Variants in SHLD1 observed in about 807,000 individuals in gnomAD.
SHLD1 encodes the protein RINN1-REV7-interacting novel NHEJ regulator 3.
A neutral mutation model predicts 5.5 loss-of-function variants in SHLD1; 3 were observed. The ratio of observed to expected loss-of-function variants is 0.54; its 90% CI spans 0.25 to 1.40. The LOEUF is 1.40. SHLD1 is among the 40% of genes most tolerant of loss of function. The probability of loss-of-function intolerance (pLI) is 0.15; values close to 1 mark genes in which losing one functional copy is unlikely to be tolerated. For missense variants in SHLD1, 210 were observed against 244.4 expected, an observed-to-expected ratio of 0.86 and a Z score of 0.94; for synonymous variants, 92 against 94.3, an observed-to-expected ratio of 0.98 and a Z score of 0.14.
At chr20:5,828,101 G>A (rs1056023079) in intron 2 of SHLD1, among the ~76,000 whole-genome samples, 3 of 152,208 alleles carry the variant, frequency 2.0e-5, no homozygotes, top group Non-Finnish European at 2.9e-5. Flanking sequence ...TATATTGCAT[G>A]TTGTATGTAA....
At chr20:5,838,541 A>T (rs1040397337) in intron 2 of SHLD1, among the ~76,000 whole-genome samples, 1 of 152,218 alleles carries the variant, frequency 6.6e-6, no homozygotes, top group African/African-American at 2.4e-5. Context: ...CAGGCAGATC[A>T]CCTGAGGTCA....
At chr20:5,829,313 A>G (rs1006171623) in intron 2 of SHLD1, among the ~76,000 whole-genome samples, 2 of 152,226 alleles carry the variant, frequency 1.3e-5, no homozygotes, top group African/African-American at 2.4e-5. Context: ...TTTAAGCCCT[A>G]CTATTACTCA....
At chr20:5,848,795 C>T (rs989412433) in intron 2 of SHLD1, among the ~76,000 whole-genome samples, 4 of 151,926 alleles carry the variant, frequency 2.6e-5, no homozygotes, top group Admixed American at 6.6e-5. Flanking sequence ...GTTTTTTTTC[C>T]GGCATTCATT....
intron 2 of SHLD1, among the ~76,000 whole-genome samples, chr20:5,858,115 A>T (rs1200556792): frequency 6.6e-6 from 1 of 151,692 alleles, no homozygotes; most frequent in East Asian, 1.9e-4. Context: ...AAAAAAAAAA[A>T]AGTCTTAGAT....
intron 2 of SHLD1, among the ~76,000 whole-genome samples, chr20:5,860,134 CA>C (rs2088141869): frequency 6.6e-6 from 1 of 150,600 alleles, no homozygotes; most frequent in Admixed American, 6.7e-5. Context: ...CTACCCAGGA[CA>C]AGGTCATCTG....
chr20:5,782,253 G>A (rs1366559682), intron 2 of SHLD1, among the ~76,000 whole-genome samples: 4 of 152,176 alleles, frequency 2.6e-5, no homozygotes, highest in Non-Finnish European at 4.4e-5. Flanking sequence ...GAAGAGCGGA[G>A]TTAAGAAACA....
In SHLD1 at chr20:5,838,033, T is replaced by C. The variant is rs367992424; in HGVS notation, c.179-24991T>C. The stretch of plus-strand genomic sequence containing the variant: ...AGAAGCAATAACATTGTACAGTAAA[T>C]GAAACGTAGTACATTTAGTAGCGAT... On this transcript the variant is annotated intron_variant, in intron 2 of 2. Coordinates refer to ENST00000303142, the MANE Select transcript of SHLD1 (RefSeq NM_152504.4). 2.1e-4 allele frequency among the ~76,000 whole-genome samples: 32 copies of C among 152,320 alleles called. No homozygotes were observed. In the East Asian group the frequency reaches 6.0e-3, roughly 28 times the overall value.
intron 2 of SHLD1, among the ~76,000 whole-genome samples, chr20:5,859,331 G>T (rs1785349196): frequency 6.6e-6 from 1 of 152,244 alleles, no homozygotes; most frequent in East Asian, 1.9e-4. Context: ...ACCATTCTTT[G>T]TTTGTCCTGT....
At chr20:5,838,149 G>A (rs1282754510) in intron 2 of SHLD1, among the ~76,000 whole-genome samples, 2 of 152,228 alleles carry the variant, frequency 1.3e-5, no homozygotes, top group African/African-American at 4.8e-5. Flanking sequence ...GGCAAGGGAA[G>A]CACCTGTGTA....
At chr20:5,822,100 T>C (rs1367374118) in intron 2 of SHLD1, among the ~76,000 whole-genome samples, 1 of 152,208 alleles carries the variant, frequency 6.6e-6, no homozygotes, top group Non-Finnish European at 1.5e-5. Context: ...TTGTGTTGAC[T>C]CAGGTGAACT....
At chr20:5,794,920 T>C (rs2087189615) in intron 2 of SHLD1, among the ~76,000 whole-genome samples, 1 of 75,984 alleles carries the variant, frequency 1.3e-5, no homozygotes, top group African/African-American at 4.8e-5. Flanking sequence ...AAATAAGATA[T>C]GTAAACTTAT....
At chr20:5,859,651 A>G (rs117622223) in intron 2 of SHLD1, among the ~76,000 whole-genome samples, 3,517 of 152,352 alleles carry the variant, frequency 0.023, 62 homozygotes, top group Middle Eastern at 0.044. Context: ...CAACAGCCTT[A>G]TGATTAGAGA....
At position 5,855,493 on chromosome 20, in the gene SHLD1, A is replaced by G. The variant is rs2088070866; in HGVS notation, c.179-7531A>G. 6.6e-6 allele frequency among the ~76,000 whole-genome samples: 1 copy of G among 152,008 alleles called. No individual in the cohort carries two copies. The highest frequency in any genetic ancestry group is 1.5e-5 in the Non-Finnish European group (1 of 67,978). On this transcript the variant is annotated intron_variant, in intron 2 of 2. Transcript: ENST00000303142. This position sits in a 1 kb window ranked among gnomAD's most constrained non-coding sequence, Gnocchi z 4.4. ...TTCAAGAGATTCTTGTGCCTCAGCC[A>G]CCCGAGTAGCTGGGACTACAGGTGC...
At chr20:5,757,111 C>T (rs1984163417) in intron 1 of SHLD1, among the ~76,000 whole-genome samples, 1 of 124,758 alleles carries the variant, frequency 8.0e-6, no homozygotes, top group Non-Finnish European at 1.6e-5. Context: ...TGCTCTGTCA[C>T]CCAGGCTGGA....
At chr20:5,753,549 G>C (rs1313511993) in intron 1 of SHLD1, among the ~76,000 whole-genome samples, 3 of 152,222 alleles carry the variant, frequency 2.0e-5, no homozygotes, top group Admixed American at 2.0e-4. Context: ...GCGTAGATAA[G>C]CAAGCTGGAA....
intron 2 of SHLD1, among the ~76,000 whole-genome samples, chr20:5,786,954 T>G (rs2087068626): frequency 6.6e-6 from 1 of 152,196 alleles, no homozygotes; most frequent in South Asian, 2.1e-4. Flanking sequence ...CTGACCACAC[T>G]GCTATTTCTG....
chr20:5,852,961 T>C (rs2088031362), intron 2 of SHLD1, among the ~76,000 whole-genome samples: 1 of 152,236 alleles, frequency 6.6e-6, no homozygotes, highest in Non-Finnish European at 1.5e-5. Flanking sequence ...CATTCATTTG[T>C]TTATTCATTC....
At chr20:5,770,674 T>C (rs1420110639) in intron 1 of SHLD1, among the ~76,000 whole-genome samples, 1 of 152,182 alleles carries the variant, frequency 6.6e-6, no homozygotes, top group Non-Finnish European at 1.5e-5. Flanking sequence ...ACTTGATGAG[T>C]GCTATTGCAT....
intron 2 of SHLD1, among the ~76,000 whole-genome samples, chr20:5,816,779 C>T (rs912769071): frequency 6.6e-6 from 1 of 152,154 alleles, no homozygotes; most frequent in Non-Finnish European, 1.5e-5. Context: ...CTTTAAGACC[C>T]TGAGGATAGG....
Sources: allele counts gnomAD v4.1 joint callset (sites outside exome capture counted in the v4.1 genomes callset), GRCh38; gene constraint gnomAD v4.1.1; non-coding constraint Gnocchi (gnomAD v3.1); transcripts MANE v1.5; gene names NCBI Gene and HGNC (gene_info 2026-07-23, HGNC 2026-07-21).